Variants in FRAS1 observed in about 807,000 individuals in gnomAD.
FRAS1 encodes the protein Fraser extracellular matrix complex subunit 1.
Under a neutral mutation model 435.2 loss-of-function variants are expected in FRAS1, and 290 were observed. The observed-to-expected ratio is 0.67, with a 90% CI of 0.61 to 0.73. FRAS1 has a LOEUF of 0.73. FRAS1 is among the 30% of genes least tolerant of loss of function. The probability of loss-of-function intolerance (pLI) is 0.00; values close to 1 mark genes in which losing one functional copy is unlikely to be tolerated. For missense variants in FRAS1, 4,860 were observed against 5,001.5 expected (o/e 0.97, Z 0.85); for synonymous variants, 1,800 against 1,851.0 (o/e 0.97, Z 0.71).
chr4:78,144,110 A>T (rs1020658359), intron 2 of FRAS1, among the ~76,000 whole-genome samples: 1 of 151,980 alleles, frequency 6.6e-6, no homozygotes, highest in Admixed American at 6.6e-5. Context: ...CAGCTAAAGC[A>T]TTGACTAGAG....
At chr4:78,486,612 G>T (rs751923079) in intron 58 of FRAS1, among the ~76,000 whole-genome samples, 2 of 152,110 alleles carry the variant, frequency 1.3e-5, no homozygotes, top group African/African-American at 4.8e-5. Flanking sequence ...TATGGGGTTG[G>T]TGACAGAATG....
chr4:78,058,440 A>T (rs1193092537), intron 1 of FRAS1, among the ~76,000 whole-genome samples: 2 of 152,032 alleles, frequency 1.3e-5, no homozygotes, highest in Non-Finnish European at 2.9e-5. Flanking sequence ...ACAGGTGAGG[A>T]GCGAACAATT....
chr4:78,307,976 C>A, intron 14 of FRAS1, 90 bp from the exon 15 acceptor site: 1 of 1,317,722 alleles, frequency 7.6e-7, no homozygotes, highest in Non-Finnish European at 1.0e-6. Flanking sequence ...AACTGACATC[C>A]TCCTTGTGTA....
intron 2 of FRAS1, among the ~76,000 whole-genome samples, chr4:78,127,487 C>T (rs1323868710): frequency 1.3e-5 from 2 of 152,102 alleles, no homozygotes; most frequent in Non-Finnish European, 2.9e-5. Context: ...TGGTGTTAAC[C>T]AAGAGGTAGC....
chr4:78,058,241 A>C (rs1739571929), intron 1 of FRAS1, among the ~76,000 whole-genome samples, 156 bp downstream of exon 1: 1 of 151,998 alleles, frequency 6.6e-6, no homozygotes, highest in Non-Finnish European at 1.5e-5. Flanking sequence ...TGAAACTGGA[A>C]TAGGCTTTTT....
chr4:78,308,061 T>A lies in FRAS1; in HGVS notation c.1535-5T>A. The A allele has an allele frequency of 6.3e-7, 1 of 1,591,222 alleles. No individual in the cohort carries two copies. The highest frequency in any genetic ancestry group is 8.6e-7 in the Non-Finnish European group (1 of 1,166,462). ...TTACTCACTGATTTTGCTATTCGTC[T>A]GCAGTCTGCCATGAGTCCTGTGCAG... On this transcript the variant is annotated splice_polypyrimidine_tract_variant and splice_region_variant and intron_variant, in intron 14 of 73. Coordinates refer to ENST00000512123, the MANE Select transcript of FRAS1 (RefSeq NM_025074.7).
intron 47 of FRAS1, among the ~76,000 whole-genome samples, chr4:78,453,598 TG>T (rs1719091957): frequency 6.6e-6 from 1 of 152,102 alleles, no homozygotes; most frequent in Admixed American, 6.6e-5. Flanking sequence ...TCCAGGAGTT[TG>T]AGACCAGCCT....
At chr4:78,436,800 A>T (rs1340761272) in intron 38 of FRAS1, among the ~76,000 whole-genome samples, 1 of 152,226 alleles carries the variant, frequency 6.6e-6, no homozygotes, top group African/African-American at 2.4e-5. Context: ...AGCTATTTTT[A>T]AAAATTCAAG....
At chr4:78,446,440 G>A in intron 42 of FRAS1, 1 of 1,189,426 alleles carries the variant, frequency 8.4e-7, no homozygotes, top group Non-Finnish European at 1.0e-6. Flanking sequence ...ACTTGTCAAA[G>A]CACATATCCA....
Position 78,526,609 on chromosome 4 carries a change from T to C in FRAS1, c.10877T>C (p.Val3626Ala), listed in dbSNP as rs34670941. ...ACAGTGCAGCCCACACAGCCATGGG[T>C]TGACCCAGGAGAGAAGCCTTTGGCC... ...PCTVQPTQPW[V>A]DPGEKPLACT... Residue 3626 changes from valine to alanine, a missense_variant, in exon 70 of 74, where the codon GTT (valine) becomes GCT (alanine). By Grantham distance (64) the Val-to-Ala change is moderately conservative. Coordinates refer to ENST00000512123, the MANE Select transcript of FRAS1 (RefSeq NM_025074.7). 0.11 allele frequency: 172,654 copies of C among 1,598,906 alleles called. 10,137 individuals carry two copies. Among genetic ancestry groups the C allele is most frequent in the East Asian group, 0.21 (9,316 of 44,056 alleles).
intron 70 of FRAS1, among the ~76,000 whole-genome samples, chr4:78,531,729 TGTGC>T (rs1721721486): frequency 6.6e-6 from 1 of 152,182 alleles, no homozygotes; most frequent in African/African-American, 2.4e-5. Flanking sequence ...TACCTACATC[TGTGC>T]ATTAGACCTA....
rs897852524 is a variant in FRAS1, at chr4:78,451,969, C to T, written c.6583+78C>T. ...TATATAGTTTACACTTTGTTCACCT[C>T]GAGGCTCGAGTCCTTCCCTTTACCT... On this transcript the variant is annotated intron_variant, in intron 46 of 73. Transcript: ENST00000512123. 1.2e-4 allele frequency: 172 copies of T among 1,429,530 alleles called. 1 individual carries two copies. Among genetic ancestry groups the T allele is most frequent in the Admixed American group, 6.8e-5 (3 of 44,284 alleles). 88.6% of individuals were successfully genotyped at this position (1,429,530 alleles called of 1,614,324 possible).
At chr4:78,274,886 G>A (rs1404466857) in intron 9 of FRAS1, among the ~76,000 whole-genome samples, 10 of 152,066 alleles carry the variant, frequency 6.6e-5, no homozygotes, top group African/African-American at 1.4e-4. Flanking sequence ...TTTCTGTCTC[G>A]TTGATCTGTC....
chr4:78,457,703 G>A (rs1719248238), intron 47 of FRAS1, among the ~76,000 whole-genome samples: 1 of 152,172 alleles, frequency 6.6e-6, no homozygotes, highest in South Asian at 2.1e-4. Flanking sequence ...CCCTTTGGCT[G>A]TTACAAAACT....
intron 22 of FRAS1, among the ~76,000 whole-genome samples, chr4:78,365,250 G>C (rs1731217975): frequency 1.3e-5 from 2 of 152,138 alleles, no homozygotes; most frequent in Non-Finnish European, 2.9e-5. Flanking sequence ...ATCTGTGGAG[G>C]TACTGGAGAT....
chr4:78,456,141 T>TTTTTTCTC (rs1553962169), intron 47 of FRAS1, among the ~76,000 whole-genome samples: 2 of 106,650 alleles, frequency 1.9e-5, no homozygotes, highest in Non-Finnish European at 3.4e-5. Context: ...CATGTCACTT[T>TTTTTTCTC]TTTTTTTTTT....
At chr4:78,302,849 C>A (rs79411201) in intron 14 of FRAS1, among the ~76,000 whole-genome samples, 8,877 of 152,200 alleles carry the variant, frequency 0.058, 476 homozygotes, top group East Asian at 0.3. Flanking sequence ...TGTGCAGAGG[C>A]TCTTTAGTTT....
chr4:78,540,845 T>C lies in FRAS1; in HGVS notation c.11760T>C (p.Phe3920=), dbSNP rs1010925442. The change falls in exon 74 of 74, where the codon TTT becomes TTC. Residue 3920 remains phenylalanine, a synonymous_variant. Coordinates refer to ENST00000512123, the MANE Select transcript of FRAS1 (RefSeq NM_025074.7). ...LAAIMLLLLV[F]LVACFINRKC... is the part of the protein sequence containing the mutation. ...CAATCATGCTTCTACTTCTGGTGTT[T>C]TTGGTGGCTTGTTTTATCAACAGGA... The C allele has an allele frequency of 1.2e-6, 2 of 1,613,944 alleles. No homozygotes were observed. Among genetic ancestry groups the C allele is most frequent in the Non-Finnish European group, 1.7e-6 (2 of 1,179,862 alleles).
chr4:78,254,091 A>T (rs1378768742), intron 5 of FRAS1, among the ~76,000 whole-genome samples: 1 of 152,068 alleles, frequency 6.6e-6, no homozygotes, highest in Non-Finnish European at 1.5e-5. Context: ...GATTTTGTTC[A>T]GCAAGCCAGA....
Sources: gnomAD v4.1 joint callset for allele counts (sites outside exome capture counted in the v4.1 genomes callset) on GRCh38, gnomAD v4.1.1 for gene constraint, MANE v1.5 for transcripts, NCBI Gene and HGNC (gene_info 2026-07-23, HGNC 2026-07-21) for gene names.